MORC1: variants seen among roughly 807,000 people sequenced by gnomAD.
MORC1 encodes the protein MORC family CW-type zinc finger protein 1.
In MORC1, 59 loss-of-function variants were observed where a neutral mutation model predicts 134.9. The ratio of observed to expected loss-of-function variants is 0.44; its 90% CI spans 0.35 to 0.54. The LOEUF (loss-of-function observed/expected upper bound fraction) is 0.54. Ranked by LOEUF, MORC1 falls within the 20% of genes least tolerant of loss-of-function variation. MORC1 has a pLI of 0.00. For synonymous variants in MORC1, 395 were observed against 391.7 expected, an observed-to-expected ratio of 1.01 and a Z score of -0.10; for missense variants, 947 against 1,134.5, an observed-to-expected ratio of 0.83 and a Z score of 2.37.
chr3:109,109,234 C>T (rs981254028), intron 3 of MORC1, among the ~76,000 whole-genome samples: 1 of 152,048 alleles, frequency 6.6e-6, no homozygotes, highest in African/African-American at 2.4e-5. Flanking sequence ...TCCCTTTTAG[C>T]ACTTATCATT....
chr3:108,990,138 C>G (rs1948006763), intron 21 of MORC1, among the ~76,000 whole-genome samples: 1 of 152,170 alleles, frequency 6.6e-6, no homozygotes, highest in Non-Finnish European at 1.5e-5. Flanking sequence ...CATGTGGAAT[C>G]TCTTTCTTTA....
At chr3:109,041,751 G>T (rs1392606650) in intron 14 of MORC1, among the ~76,000 whole-genome samples, 2 of 152,120 alleles carry the variant, frequency 1.3e-5, no homozygotes, top group Non-Finnish European at 2.9e-5. Context: ...GGAGGCTGAG[G>T]CAGGAGAATT....
chr3:109,055,995 A>G (rs1949952258), intron 13 of MORC1, among the ~76,000 whole-genome samples: 1 of 152,214 alleles, frequency 6.6e-6, no homozygotes, highest in African/African-American at 2.4e-5. Context: ...GGCCAGCAGT[A>G]AGAAAATCTG....
At position 109,062,004 on chromosome 3, in the gene MORC1, G is replaced by A; in HGVS notation, c.950C>T (p.Ser317Phe). ...ATGTCGTACCTTGGCAGAAGATAAA[G>A]AGGTTCTGTCACACTGGTTTACTTT... is the stretch of plus-strand genomic sequence containing the variant. ...QIKVNQCDRT[S>F]LSSAKDVLQR... Residue 317 changes from serine to phenylalanine, a missense_variant, in exon 11 of 28, where the codon TCT becomes TTT. Transcript: ENST00000232603. The A allele has an allele frequency of 7.4e-6, 12 of 1,614,018 alleles. No homozygotes were observed. Among genetic ancestry groups the A allele is most frequent in the Non-Finnish European group, 1.0e-5 (12 of 1,179,934 alleles).
Position 109,057,364 on chromosome 3 carries a change from G to A in MORC1, c.1154C>T (p.Ser385Leu). The change falls in exon 13 of 28, where the codon TCA becomes TTA. Residue 385 changes from serine (S) to leucine (L), a missense_variant. By Grantham distance (145) the Ser-to-Leu change is moderately radical. This residue lies in a region of MORC1 where 722 missense variants were observed against 817.0 expected (regional missense o/e 0.88). Transcript: ENST00000232603. ...TCACAAGGACTTCAGTTTCAACTGTGAGCCCACTTTTTCATGCATTTTGAT... is the reference window on the plus strand; with the variant it reads ...TCACAAGGACTTCAGTTTCAACTGTAAGCCCACTTTTTCATGCATTTTGAT... Reference protein sequence around the residue: ...RLIKMHEKVGSQLKLKSLLGA... With the variant: ...RLIKMHEKVGLQLKLKSLLGA... 1.2e-6 allele frequency: 2 copies of A among 1,610,120 alleles called. No individual in the cohort carries two copies. Among genetic ancestry groups the A allele is most frequent in the African/African-American group, 2.7e-5 (2 of 74,892 alleles).
intron 17 of MORC1, among the ~76,000 whole-genome samples, chr3:109,019,817 G>A (rs745387043): frequency 3.3e-5 from 5 of 152,048 alleles, no homozygotes; most frequent in South Asian, 2.1e-4. Context: ...GTTTCTTCTC[G>A]TTAGGTTCCT....
At chr3:109,083,989 G>C (rs1027018343) in intron 8 of MORC1, among the ~76,000 whole-genome samples, 1 of 152,078 alleles carries the variant, frequency 6.6e-6, no homozygotes, top group African/African-American at 2.4e-5. Context: ...TTAATAAACT[G>C]TGTAAAGAAG....
intron 8 of MORC1, among the ~76,000 whole-genome samples, chr3:109,077,112 T>G (rs892900230): frequency 1.4e-4 from 22 of 152,114 alleles, no homozygotes; most frequent in African/African-American, 5.3e-4. Flanking sequence ...AAGAAGCAAA[T>G]AGTTCTAAGG....
Position 109,057,401 on chromosome 3 carries a change from T to C in MORC1, c.1117A>G (p.Asn373Asp), listed in dbSNP as rs951572476. 6.2e-7 allele frequency: 1 copy of C among 1,612,346 alleles called. No individual in the cohort carries two copies. The highest frequency in any genetic ancestry group is 1.3e-5 in the African/African-American group (1 of 75,042). ...TCATGCATTTTGATCAAACGGTTAT[T>C]ACTGTAAATGAACATTCCAGCTTGG... The part of the protein sequence containing the change: ...RSQAGMFIYS[N>D]NRLIKMHEKV... The change falls in exon 13 of 28, where the codon AAT becomes GAT. Residue 373 changes from asparagine (N) to aspartate (D), a missense_variant. Asn to Asp is a conservative substitution (Grantham distance 23). This residue lies in a region of MORC1 where 722 missense variants were observed against 817.0 expected (regional missense o/e 0.88). Coordinates refer to ENST00000232603, the MANE Select transcript of MORC1 (RefSeq NM_014429.4).
chr3:109,110,705 C>A, intron 3 of MORC1, 44 bp downstream of exon 3: 1 of 1,486,246 alleles, frequency 6.7e-7, no homozygotes, highest in Non-Finnish European at 9.2e-7. Flanking sequence ...TAACTACAGT[C>A]TTTCCATTAG....
intron 9 of MORC1, among the ~76,000 whole-genome samples, chr3:109,068,155 T>G (rs1400991528): frequency 6.6e-6 from 1 of 152,156 alleles, no homozygotes; most frequent in Non-Finnish European, 1.5e-5. Context: ...GTACACAAAT[T>G]AAATGTTTCT....
chr3:109,049,852 C>A (rs1309511670), intron 14 of MORC1, among the ~76,000 whole-genome samples: 1 of 152,160 alleles, frequency 6.6e-6, no homozygotes, highest in Non-Finnish European at 1.5e-5. Context: ...TTTCATCTGG[C>A]ACATTTTGTT....
chr3:109,044,717 A>G (rs1949643965), intron 14 of MORC1, among the ~76,000 whole-genome samples: 1 of 151,874 alleles, frequency 6.6e-6, no homozygotes, highest in Non-Finnish European at 1.5e-5. Flanking sequence ...AGCTGAGGTG[A>G]GCAGCTCATT....
chr3:109,027,042 A>G (rs1178911168), intron 17 of MORC1, among the ~76,000 whole-genome samples: 3 of 152,180 alleles, frequency 2.0e-5, no homozygotes, highest in African/African-American at 7.2e-5. Context: ...TGAATTTTCT[A>G]TTTTAATAAG....
chr3:109,042,650 T>C (rs375176522), intron 14 of MORC1, among the ~76,000 whole-genome samples: 1 of 152,206 alleles, frequency 6.6e-6, no homozygotes, highest in Non-Finnish European at 1.5e-5. Flanking sequence ...TGCAGCACTA[T>C]TTATAAATAG....
chr3:108,996,271 T>TGTGTGC (rs1553745271), intron 21 of MORC1, among the ~76,000 whole-genome samples: 54 of 87,564 alleles, frequency 6.2e-4, no homozygotes, highest in African/African-American at 1.9e-3. Context: ...CATGTGCGCG[T>TGTGTGC]GCGTGCGCGC....
chr3:108,971,420 G>A lies in MORC1; in HGVS notation c.2478-18C>T, dbSNP rs755017538. On this transcript the variant is annotated intron_variant, in intron 24 of 27. Coordinates refer to ENST00000232603, the MANE Select transcript of MORC1 (RefSeq NM_014429.4). Reference sequence around the variant, plus strand: ...GAATCTCCCTAGGAATACAAGCACAGCAGATATGGGAATATACTAGGATAA... The same window carrying A: ...GAATCTCCCTAGGAATACAAGCACAACAGATATGGGAATATACTAGGATAA... 1.9e-6 allele frequency: 3 copies of A among 1,599,484 alleles called. No individual in the cohort carries two copies. Among genetic ancestry groups the A allele is most frequent in the Non-Finnish European group, 2.6e-6 (3 of 1,167,452 alleles).
chr3:109,061,874 A>G (rs1399352619), intron 11 of MORC1, 114 bp downstream of exon 11: 1 of 937,186 alleles, frequency 1.1e-6, no homozygotes, highest in Non-Finnish European at 1.7e-6. Context: ...TAATCTTCTG[A>G]GCTTATCTGT....
chr3:109,016,584 C>T (rs988030486), intron 17 of MORC1, among the ~76,000 whole-genome samples: 2 of 152,158 alleles, frequency 1.3e-5, no homozygotes, highest in Non-Finnish European at 1.5e-5. Flanking sequence ...GGTCCCAGGC[C>T]GGGCGCAGTG....
Sources: allele counts gnomAD v4.1 joint callset (sites outside exome capture counted in the v4.1 genomes callset), GRCh38; gene constraint gnomAD v4.1.1; regional missense constraint gnomAD v4.1.1; transcripts MANE v1.5; gene names NCBI Gene and HGNC (gene_info 2026-07-23, HGNC 2026-07-21).